Variants in LAMA3 observed in about 807,000 individuals in gnomAD.
LAMA3 encodes laminin subunit alpha 3.
A neutral mutation model predicts 402.0 loss-of-function variants in LAMA3; 281 were observed. The ratio of observed to expected loss-of-function variants is 0.70; its 90% CI spans 0.63 to 0.77. The LOEUF (loss-of-function observed/expected upper bound fraction) is 0.77. Among genes scored for constraint, LAMA3 ranks in the 30% least tolerant of loss-of-function variants. The pLI, the probability that LAMA3 is intolerant of heterozygous loss-of-function variation, is 0.00. For synonymous variants in LAMA3, 1,431 were observed against 1,558.4 expected, an observed-to-expected ratio of 0.92 and a Z score of 1.93; for missense variants, 3,840 against 4,215.5, an observed-to-expected ratio of 0.91 and a Z score of 2.47.
chr18:23,793,334 G>A (rs2062698194), intron 12 of LAMA3, among the ~76,000 whole-genome samples: 2 of 152,058 alleles, frequency 1.3e-5, no homozygotes, highest in Non-Finnish European at 2.9e-5. Flanking sequence ...CTTACCCTGG[G>A]AGGGGCAGTC....
intron 11 of LAMA3, among the ~76,000 whole-genome samples, chr18:23,782,543 ACT>A (rs1037102764): frequency 2.0e-4 from 30 of 152,112 alleles, no homozygotes; most frequent in African/African-American, 6.3e-4. Flanking sequence ...ATAGAATGAA[ACT>A]CTGTCTAAAA....
chr18:23,825,090 A>G (rs1048799618), intron 21 of LAMA3, among the ~76,000 whole-genome samples: 9 of 152,346 alleles, frequency 5.9e-5, no homozygotes, highest in African/African-American at 2.2e-4. Flanking sequence ...GCAAGAGGCT[A>G]CAGGAGCCAC....
chr18:23,915,494 A>G, intron 59 of LAMA3, 72 bp downstream of exon 59: 1 of 1,410,362 alleles, frequency 7.1e-7, no homozygotes, highest in Non-Finnish European at 1.0e-6. Context: ...TACATATGAT[A>G]AAGGATGGGC....
rs1397797584 is a variant in LAMA3 at position 23,924,917 on chromosome 18, T to A, written c.8178-3206T>A. Among the ~76,000 whole-genome samples, 2 of 152,220 alleles carry A rather than the reference T, an allele frequency of 1.3e-5. 1 individual carries two copies. The highest frequency in any genetic ancestry group is 4.8e-5 in the African/African-American group (2 of 41,458). On this transcript the variant is annotated intron_variant, in intron 62 of 74. Coordinates refer to ENST00000313654, the MANE Select transcript of LAMA3 (RefSeq NM_198129.4). ...ATAGAGGCCAGTCAAAAGATTTCACTGGCCCTTCACTCCCTCTAAAGCAAA... is the reference window on the plus strand; with the variant it reads ...ATAGAGGCCAGTCAAAAGATTTCACAGGCCCTTCACTCCCTCTAAAGCAAA...
chr18:23,874,581 A>G (rs113326261), intron 38 of LAMA3, among the ~76,000 whole-genome samples: 200 of 152,280 alleles, frequency 1.3e-3, no homozygotes, highest in African/African-American at 4.4e-3. Context: ...CACCTGGGAG[A>G]TTCCACTCCC....
chr18:23,847,263 C>T (rs2063837310), intron 31 of LAMA3, among the ~76,000 whole-genome samples: 1 of 152,210 alleles, frequency 6.6e-6, no homozygotes, highest in African/African-American at 2.4e-5. Context: ...TTGGATCTGG[C>T]TGGCTCCTCA....
intron 1 of LAMA3, among the ~76,000 whole-genome samples, chr18:23,702,722 T>C (rs2060813522): frequency 6.8e-6 from 1 of 146,290 alleles, no homozygotes; most frequent in African/African-American, 2.5e-5. Flanking sequence ...AAATCTCTGG[T>C]GCCCAAATCT....
At chr18:23,858,887 A>T in intron 34 of LAMA3, 58 bp downstream of exon 34, 1 of 1,538,598 alleles carries the variant, frequency 6.5e-7, no homozygotes, top group Non-Finnish European at 9.0e-7. Context: ...TTAAATGATA[A>T]GCATATCCCT....
intron 48 of LAMA3, 64 bp from the exon 49 acceptor site, chr18:23,902,945 A>G: frequency 1.1e-6 from 1 of 919,136 alleles, no homozygotes; most frequent in Non-Finnish European, 1.8e-6. Flanking sequence ...TTGTCCCATA[A>G]ATTTGTCTAT....
At chr18:23,795,075 G>A (rs1235533058) in intron 12 of LAMA3, among the ~76,000 whole-genome samples, 1 of 152,198 alleles carries the variant, frequency 6.6e-6, no homozygotes, top group East Asian at 1.9e-4. Context: ...CTGTCAAGTG[G>A]AAAAGCGCAG....
intron 18 of LAMA3, among the ~76,000 whole-genome samples, chr18:23,818,888 G>T (rs2063228608): frequency 6.6e-6 from 1 of 151,196 alleles, no homozygotes; most frequent in Admixed American, 6.6e-5. Flanking sequence ...TCTCATAATT[G>T]TACACTTATG....
intron 66 of LAMA3, 106 bp downstream of exon 66, chr18:23,932,397 C>T (rs569089047): frequency 3.3e-5 from 40 of 1,222,562 alleles, no homozygotes; most frequent in African/African-American, 7.5e-5. Context: ...ATGTGCTGCA[C>T]GAGACCCGCA....
chr18:23,826,609 A>G (rs2063386909), intron 21 of LAMA3, 93 bp from the exon 22 acceptor site: 4 of 928,808 alleles, frequency 4.3e-6, no homozygotes, highest in Non-Finnish European at 6.9e-6. Context: ...TCACCTGGTT[A>G]TTATTGATTT....
chr18:23,951,815 C>T (rs777463014), intron 73 of LAMA3, 38 bp downstream of exon 73: 1 of 1,473,824 alleles, frequency 6.8e-7, no homozygotes, highest in South Asian at 1.2e-5. Context: ...TGCACTAAAA[C>T]AGGCCCCCTT....
intron 61 of LAMA3, 137 bp from the exon 62 acceptor site, chr18:23,921,315 C>T (rs2081829311): frequency 1.0e-6 from 1 of 971,760 alleles, no homozygotes; most frequent in Non-Finnish European, 1.5e-6. Context: ...TCCAAAAATG[C>T]TACTGCTCAG....
At chr18:23,899,258 C>T in intron 46 of LAMA3, 30 bp from the exon 47 acceptor site, 1 of 1,605,100 alleles carries the variant, frequency 6.2e-7, no homozygotes, top group Non-Finnish European at 8.5e-7. Flanking sequence ...CCAGAATTCC[C>T]AGTCTAATAG....
intron 2 of LAMA3, among the ~76,000 whole-genome samples, chr18:23,730,257 C>G (rs2061368988): frequency 6.6e-6 from 1 of 151,876 alleles, no homozygotes; most frequent in African/African-American, 2.4e-5. Flanking sequence ...TGTAATTTTG[C>G]TTTTACTCCT....
chr18:23,703,820 A>C (rs77539693), intron 1 of LAMA3, among the ~76,000 whole-genome samples: 2,634 of 152,264 alleles, frequency 0.017, 72 homozygotes, highest in African/African-American at 0.06. Flanking sequence ...CTGGGTGTTC[A>C]CCACTCACCC....
Position 23,943,933 on chromosome 18 carries a change from A to C in LAMA3, c.9172A>C (p.Lys3058Gln), listed in dbSNP as rs764698349. 1.9e-6 allele frequency: 3 copies of C among 1,614,156 alleles called. No individual in the cohort carries two copies. Among genetic ancestry groups the C allele is most frequent in the Non-Finnish European group, 2.5e-6 (3 of 1,179,980 alleles). The part of the protein sequence containing the change: ...LGTDGKKLRI[K>Q]SKEKCNDGKW... ...GACAGATGGGAAAAAATTGAGGATC[A>C]AAAGCAAGGAGAAATGCAATGATGG... Residue 3058 changes from lysine (K) to glutamine (Q), a missense_variant, in exon 69 of 75, where the codon AAA (lysine) becomes CAA (glutamine). Around this residue, in one of 3 missense-constraint regions of LAMA3, gnomAD observed 840 missense variants for 981.9 expected, o/e 0.86. Coordinates refer to ENST00000313654, the MANE Select transcript of LAMA3 (RefSeq NM_198129.4).
Sources: gnomAD v4.1 joint callset for allele counts (sites outside exome capture counted in the v4.1 genomes callset) on GRCh38, gnomAD v4.1.1 for gene constraint, gnomAD v4.1.1 regional missense constraint, MANE v1.5 for transcripts, NCBI Gene and HGNC (gene_info 2026-07-23, HGNC 2026-07-21) for gene names.